Variants in CCDC141 observed in about 807,000 individuals in gnomAD.
The protein encoded by CCDC141 is coiled-coil domain-containing protein 141.
CCDC141 carries 168 observed loss-of-function variants against 181.0 expected under a neutral mutation model. The ratio of observed to expected loss-of-function variants is 0.93; its 90% confidence interval spans 0.82 to 1.05. The LOEUF (loss-of-function observed/expected upper bound fraction) is 1.05, where lower values mean the gene tolerates loss of function less well. Among genes scored for constraint, CCDC141 ranks in the 50% least tolerant of loss-of-function variants. The pLI is 0.00. For missense variants in CCDC141, 1,902 were observed against 1,788.5 expected (o/e 1.06, Z -1.14); for synonymous variants, 666 against 642.3 (o/e 1.04, Z -0.56).
chr2:179,005,939 C>T (rs1159198372), intron 2 of CCDC141, among the ~76,000 whole-genome samples: 1 of 152,186 alleles, frequency 6.6e-6, no homozygotes, highest in Non-Finnish European at 1.5e-5. Context: ...CAAGATACAT[C>T]TCTGGATACT....
Position 178,837,236 on chromosome 2 carries a change from T to G in CCDC141, c.3983A>C (p.His1328Pro). Residue 1328 changes from histidine to proline, a missense_variant, in exon 23 of 24, where the codon CAT becomes CCT. His to Pro is a moderately conservative substitution (Grantham distance 77). Transcript: ENST00000443758. The part of the protein sequence containing the change: ...EHPESMMSEV[H>P]ERALQQHPQA... ...AGGGTGCTGCTGTAAAGCTCTCTCA[T>G]GCACTTCACTCATCATGCTCTCTGG... The G allele has an allele frequency of 6.2e-7, 1 of 1,614,068 alleles. No homozygotes were observed.
At chr2:178,854,114 G>T (rs926144623) in intron 19 of CCDC141, among the ~76,000 whole-genome samples, 2 of 152,318 alleles carry the variant, frequency 1.3e-5, no homozygotes, top group Non-Finnish European at 1.5e-5. Flanking sequence ...TATCTTTGAA[G>T]AATAAGATTT....
intron 2 of CCDC141, among the ~76,000 whole-genome samples, chr2:179,008,770 C>T (rs141082920): frequency 2.1e-3 from 314 of 152,228 alleles, no homozygotes; most frequent in African/African-American, 6.8e-3. Flanking sequence ...TATCTCTACC[C>T]ACAGGACTAT....
intron 4 of CCDC141, among the ~76,000 whole-genome samples, chr2:178,971,326 G>A (rs913315270): frequency 8.5e-5 from 13 of 152,096 alleles, no homozygotes; most frequent in Non-Finnish European, 1.8e-4. Flanking sequence ...AAAAATGCTC[G>A]TCATCACTGG....
chr2:178,929,061 T>C (rs970992383), intron 6 of CCDC141, among the ~76,000 whole-genome samples: 6 of 152,324 alleles, frequency 3.9e-5, no homozygotes, highest in African/African-American at 1.4e-4. Context: ...GACAGGGGAA[T>C]TGAAATGCTC....
chr2:178,878,988 A>G (rs914093056), intron 11 of CCDC141, among the ~76,000 whole-genome samples: 1 of 152,214 alleles, frequency 6.6e-6, no homozygotes, highest in African/African-American at 2.4e-5. Flanking sequence ...ATAAATAATT[A>G]CTAATTTTCT....
intron 1 of CCDC141, among the ~76,000 whole-genome samples, chr2:179,048,037 T>C (rs1295666672): frequency 6.6e-6 from 1 of 152,218 alleles, no homozygotes; most frequent in Non-Finnish European, 1.5e-5. Context: ...ACAACTGCCA[T>C]TTGAGCACAG....
intron 7 of CCDC141, among the ~76,000 whole-genome samples, chr2:178,912,441 A>C (rs867987478): frequency 6.6e-6 from 1 of 152,188 alleles, no homozygotes; most frequent in African/African-American, 2.4e-5. Context: ...GATGTTAAAG[A>C]TGTTTCTTTT....
intron 8 of CCDC141, among the ~76,000 whole-genome samples, chr2:178,890,626 GA>G (rs1687102301): frequency 6.6e-6 from 1 of 152,074 alleles, no homozygotes; most frequent in Non-Finnish European, 1.5e-5. Context: ...ACTCTGACCT[GA>G]ACTTGCTCTA....
chr2:178,996,751 C>T (rs557775485), intron 2 of CCDC141, among the ~76,000 whole-genome samples: 22 of 152,264 alleles, frequency 1.4e-4, no homozygotes, highest in Admixed American at 8.5e-4. Flanking sequence ...CTATTCATTG[C>T]GGATCCAAGG....
At chr2:179,021,727 T>C (rs774565441) in intron 2 of CCDC141, among the ~76,000 whole-genome samples, 16 of 152,158 alleles carry the variant, frequency 1.1e-4, no homozygotes, top group Non-Finnish European at 2.4e-4. Context: ...ATTTAAAAAA[T>C]AAGGATTTGT....
chr2:178,879,954 T>TAAAACTGGCC (rs369440903), intron 11 of CCDC141, among the ~76,000 whole-genome samples: 10,989 of 152,202 alleles, frequency 0.072, 582 homozygotes, highest in Admixed American at 0.16. Context: ...CGTGCTGGGA[T>TAAAACTGGCC]AAAACTGGCC....
chr2:178,857,895 C>T (rs573008474), intron 17 of CCDC141, among the ~76,000 whole-genome samples: 1 of 152,252 alleles, frequency 6.6e-6, no homozygotes, highest in South Asian at 2.1e-4. Flanking sequence ...TGCATGCTTT[C>T]TCAAAATGCT....
At chr2:178,886,149 G>C (rs955318680) in intron 10 of CCDC141, among the ~76,000 whole-genome samples, 2 of 152,150 alleles carry the variant, frequency 1.3e-5, no homozygotes, top group African/African-American at 4.8e-5. Flanking sequence ...GCCTCTTCCT[G>C]CTGACCTGGG....
chr2:178,820,291 C>T, the CCDC141 span, among the ~76,000 whole-genome samples: 8 of 152,012 alleles, frequency 5.3e-5, no homozygotes, highest in East Asian at 1.9e-4. Flanking sequence ...TTGGCCACAC[C>T]GGTGGAGAGT....
intron 2 of CCDC141, among the ~76,000 whole-genome samples, chr2:179,016,607 A>C (rs1419805287): frequency 6.6e-6 from 1 of 152,158 alleles, no homozygotes. Flanking sequence ...TACCTGACAC[A>C]GAGTATGCTT....
intron 6 of CCDC141, among the ~76,000 whole-genome samples, chr2:178,939,585 G>C (rs1410263894): frequency 6.6e-6 from 1 of 152,134 alleles, no homozygotes; most frequent in Non-Finnish European, 1.5e-5. Flanking sequence ...CAGATGGATA[G>C]TTGATATTAG....
chr2:178,844,636 C>T (rs1479923017), intron 22 of CCDC141, among the ~76,000 whole-genome samples: 2 of 152,156 alleles, frequency 1.3e-5, no homozygotes, highest in Admixed American at 1.3e-4. Context: ...TGTATAACTG[C>T]ACCAGGCCTT....
intron 11 of CCDC141, among the ~76,000 whole-genome samples, chr2:178,881,055 A>G (rs148292158): frequency 1.5e-3 from 228 of 152,294 alleles, no homozygotes; most frequent in African/African-American, 5.3e-3. Context: ...TTTGTAGAAA[A>G]AGTGGGTACA....
Sources: gnomAD v4.1 joint callset for allele counts (sites outside exome capture counted in the v4.1 genomes callset) on GRCh38, gnomAD v4.1.1 for gene constraint, MANE v1.5 for transcripts, NCBI Gene and HGNC (gene_info 2026-07-23, HGNC 2026-07-21) for gene names.